Variants in SPAG16 observed in about 807,000 individuals in gnomAD.
SPAG16 encodes sperm associated antigen 16, also known as sperm-associated antigen 16 protein.
A neutral mutation model predicts 80.4 loss-of-function variants in SPAG16; 86 were observed. The observed-to-expected ratio is 1.07, with a 90% CI of 0.90 to 1.28. The LOEUF (loss-of-function observed/expected upper bound fraction) is 1.28, where lower values mean the gene tolerates loss of function less well. Among genes scored for constraint, SPAG16 ranks in the 50% most tolerant of loss-of-function variants. SPAG16 has a pLI of 0.00. For missense variants in SPAG16, 870 were observed against 765.3 expected (o/e 1.14, Z -1.61); for synonymous variants, 294 against 265.9 (o/e 1.11, Z -1.03).
At chr2:214,128,735 G>C (rs1399916788) in intron 14 of SPAG16, among the ~76,000 whole-genome samples, 1 of 151,766 alleles carries the variant, frequency 6.6e-6, no homozygotes, top group African/African-American at 2.4e-5. Flanking sequence ...ATATTACCTA[G>C]TGCCTCATAA....
chr2:213,341,611 T>A (rs1009519611), intron 6 of SPAG16, among the ~76,000 whole-genome samples: 1 of 152,134 alleles, frequency 6.6e-6, no homozygotes, highest in Non-Finnish European at 1.5e-5. Flanking sequence ...AGGCATCCTG[T>A]AGCCCCAACT....
At chr2:213,633,055 C>T (rs2062217634) in intron 10 of SPAG16, among the ~76,000 whole-genome samples, 1 of 152,112 alleles carries the variant, frequency 6.6e-6, no homozygotes, top group South Asian at 2.1e-4. Flanking sequence ...ATTAGTTCTT[C>T]TTTGAATGTT....
chr2:213,756,575 G>A (rs2068346748), intron 10 of SPAG16, among the ~76,000 whole-genome samples: 1 of 152,168 alleles, frequency 6.6e-6, no homozygotes, highest in Non-Finnish European at 1.5e-5. Context: ...TGTAGCTGTA[G>A]ACTTTAACTT....
At chr2:213,308,508 T>G (rs1027370334) in intron 3 of SPAG16, among the ~76,000 whole-genome samples, 5 of 152,168 alleles carry the variant, frequency 3.3e-5, no homozygotes, top group African/African-American at 1.2e-4. Context: ...GTTATTCAAG[T>G]GCAAAGCTTG....
chr2:213,346,820 G>A (rs1383918111), intron 6 of SPAG16, among the ~76,000 whole-genome samples: 1 of 131,444 alleles, frequency 7.6e-6, no homozygotes, highest in Non-Finnish European at 1.6e-5. Flanking sequence ...ATGTTCATCA[G>A]GGATATTGGT....
intron 13 of SPAG16, among the ~76,000 whole-genome samples, chr2:214,053,018 T>G (rs1057077071): frequency 6.6e-6 from 1 of 152,208 alleles, no homozygotes; most frequent in African/African-American, 2.4e-5. Context: ...TTGAGACCAC[T>G]ACTCAAATAT....
intron 12 of SPAG16, among the ~76,000 whole-genome samples, chr2:213,958,917 T>G (rs1429817262): frequency 4.6e-5 from 7 of 152,246 alleles, no homozygotes; most frequent in Admixed American, 1.3e-4. Context: ...CAGGACTTTC[T>G]CGTACATTTC....
chr2:214,032,966 T>C (rs1167992367), intron 13 of SPAG16, among the ~76,000 whole-genome samples: 2 of 152,134 alleles, frequency 1.3e-5, no homozygotes, highest in African/African-American at 4.8e-5. Context: ...GTTTAGAAAT[T>C]CAAAAGACTG....
intron 10 of SPAG16, among the ~76,000 whole-genome samples, chr2:213,756,088 A>T (rs546096544): frequency 6.6e-6 from 1 of 152,364 alleles, no homozygotes; most frequent in African/African-American, 2.4e-5. Context: ...GATATCAGTC[A>T]GAGTGAACAT....
intron 13 of SPAG16, among the ~76,000 whole-genome samples, chr2:214,027,072 A>G (rs1170899051): frequency 6.6e-6 from 1 of 151,578 alleles, no homozygotes; most frequent in East Asian, 1.9e-4. Context: ...TCATTATCAC[A>G]CAAGTAAAAC....
chr2:214,114,669 G>T lies in SPAG16; in HGVS notation c.1593+6408G>T, dbSNP rs1246682265. On this transcript the variant is annotated intron_variant, in intron 14 of 15. Coordinates refer to ENST00000331683, the MANE Select transcript of SPAG16 (RefSeq NM_024532.5). ...TTGCTAAGACCTTCGGAAAAGCATA[G>T]TATTTGGGCGGGAGTGTCCCGTTTT... Among the ~76,000 whole-genome samples, 7 of 152,214 alleles carry T rather than the reference G, an allele frequency of 4.6e-5. 1 individual carries two copies. Among genetic ancestry groups the T allele is most frequent in the Non-Finnish European group, 7.3e-5 (5 of 68,040 alleles).
intron 15 of SPAG16, among the ~76,000 whole-genome samples, chr2:214,358,318 A>G (rs1036170210): frequency 6.6e-6 from 1 of 151,882 alleles, no homozygotes; most frequent in African/African-American, 2.4e-5. Context: ...ACGGTTTTCT[A>G]GGTCACCAGA....
intron 10 of SPAG16, among the ~76,000 whole-genome samples, chr2:213,691,245 C>G (rs917386405): frequency 2.0e-5 from 3 of 152,222 alleles, no homozygotes; most frequent in Non-Finnish European, 4.4e-5. Flanking sequence ...CCTCTTGAAT[C>G]TGGGCTAGCC....
chr2:213,620,112 G>C (rs1476875277), intron 10 of SPAG16, among the ~76,000 whole-genome samples: 2 of 151,830 alleles, frequency 1.3e-5, no homozygotes, highest in Non-Finnish European at 2.9e-5. Flanking sequence ...AAAAAAGTGA[G>C]CTCTTAGAAG....
chr2:214,385,936 A>G (rs185528661), intron 15 of SPAG16, among the ~76,000 whole-genome samples: 1 of 152,216 alleles, frequency 6.6e-6, no homozygotes, highest in Non-Finnish European at 1.5e-5. Flanking sequence ...AAGTTCAACA[A>G]TAAAGTCATT....
At position 214,318,373 on chromosome 2, in the gene SPAG16, CTTTTTTTT is replaced by C. The variant is rs34923875; in HGVS notation, c.1721-91748_1721-91741del. On this transcript the variant is annotated intron_variant, in intron 15 of 15. Coordinates refer to ENST00000331683, the MANE Select transcript of SPAG16 (RefSeq NM_024532.5). Reference sequence around the variant, plus strand: ...TTGAATAAAAGAGTGAGAGTGAATTCTTTTTTTTTTTTTTTTTTTTTTTTTTGAGACAG... The same window carrying C: ...TTGAATAAAAGAGTGAGAGTGAATTCTTTTTTTTTTTTTTTTTTGAGACAG... Among the ~76,000 whole-genome samples the C allele has an allele frequency of 2.9e-3, 205 of 69,852 alleles. 1 individual carries two copies. The highest frequency in any genetic ancestry group is 9.7e-3 in the African/African-American group (168 of 17,260). The allele number at this position is 69,852 out of a possible 152,430, so 45.8% of individuals were successfully genotyped here.
intron 3 of SPAG16, among the ~76,000 whole-genome samples, chr2:213,307,267 C>CAT (rs111696541): frequency 0.21 from 32,107 of 149,488 alleles, 4,197 homozygotes; most frequent in Non-Finnish European, 0.31. Context: ...AGGTTAGTTA[C>CAT]ATATGTATAC....
Position 213,424,527 on chromosome 2 carries a change from G to C in SPAG16, c.942+49408G>C, listed in dbSNP as rs139018954. On this transcript the variant is annotated intron_variant, in intron 9 of 15. Coordinates refer to ENST00000331683, the MANE Select transcript of SPAG16 (RefSeq NM_024532.5). Reference sequence around the variant, plus strand: ...ATCTTTTTATGGCTAATTTACTGGAGTTATCTTTTTCTTAGATATCAGAGC... The same window carrying C: ...ATCTTTTTATGGCTAATTTACTGGACTTATCTTTTTCTTAGATATCAGAGC... Among the ~76,000 whole-genome samples the C allele has an allele frequency of 5.4e-3, 814 of 152,138 alleles. 7 individuals are homozygous for C. The highest frequency in any genetic ancestry group is 8.0e-3 in the Non-Finnish European group (543 of 67,992).
intron 10 of SPAG16, among the ~76,000 whole-genome samples, chr2:213,817,838 G>A (rs1204490691): frequency 1.3e-5 from 2 of 152,086 alleles, no homozygotes; most frequent in African/African-American, 2.4e-5. Context: ...AGGGAGGTGG[G>A]TAAGTGTTGA....
Sources: allele counts gnomAD v4.1 joint callset (sites outside exome capture counted in the v4.1 genomes callset), GRCh38; gene constraint gnomAD v4.1.1; transcripts MANE v1.5; gene names NCBI Gene and HGNC (gene_info 2026-07-23, HGNC 2026-07-21).